Variants in MRPL35 observed in about 807,000 individuals in gnomAD.
The protein encoded by MRPL35 is large ribosomal subunit protein bL35m.
MRPL35 carries 18 observed loss-of-function variants against 21.6 expected under a neutral mutation model. That is an observed-to-expected ratio of 0.83 (90% CI 0.58 to 1.24). MRPL35 has a LOEUF of 1.24. Ranked by LOEUF, MRPL35 falls within the 50% of genes most tolerant of loss-of-function variation. The probability of loss-of-function intolerance (pLI) is 0.00; values close to 1 mark genes in which losing one functional copy is unlikely to be tolerated. For missense variants in MRPL35, 223 were observed against 223.2 expected, an observed-to-expected ratio of 1.00 and a Z score of 0.01; for synonymous variants, 87 against 86.9, an observed-to-expected ratio of 1.00 and a Z score of -0.01.
chr2:86,199,458 A>T lies in MRPL35; in HGVS notation c.-33A>T, dbSNP rs1476271089. 6.2e-7 allele frequency: 1 copy of T among 1,613,888 alleles called. No individual in the cohort carries two copies. Among genetic ancestry groups the T allele is most frequent in the Admixed American group, 1.7e-5 (1 of 60,018 alleles). ...ATTCTCTTTTGCTCTTGTGCTTTTA[A>T]ACCCAAAGCGGCCGCCGTAGGCGAA... On this transcript the variant is annotated 5_prime_UTR_variant, in exon 1 of 4. Transcript: ENST00000337109.
At chr2:86,209,144 T>C (rs1411065147) in intron 3 of MRPL35, among the ~76,000 whole-genome samples, 3 of 152,262 alleles carry the variant, frequency 2.0e-5, no homozygotes, top group African/African-American at 7.2e-5. Flanking sequence ...GAGATTTGGC[T>C]TTAAATGTTT....
Position 86,212,294 on chromosome 2 carries a change from A to C in MRPL35, c.*1626A>C, listed in dbSNP as rs1387649683. The C allele has an allele frequency of 3.3e-6, 5 of 1,513,596 alleles. No homozygotes were observed. In the East Asian group the frequency reaches 1.2e-4, roughly 36 times the overall value. The allele number at this position is 1,513,596 out of a possible 1,614,324, so 93.8% of individuals were successfully genotyped here. A position where few individuals can be genotyped will look rare whatever the true frequency, so the allele number is the denominator to read the frequency against. On this transcript the variant is annotated 3_prime_UTR_variant, in exon 4 of 4. Transcript: ENST00000337109. ...GATAACAATAGAATGTTCTAAAACC[A>C]GAAGTCCAAGTGCGTGTCTACTTAT...
chr2:86,211,204 A>G lies in MRPL35; in HGVS notation c.*536A>G. On this transcript the variant is annotated 3_prime_UTR_variant, in exon 4 of 4. Coordinates refer to ENST00000337109, the MANE Select transcript of MRPL35 (RefSeq NM_016622.4). ...TTAACTCCATTCTCTCTATTCACCA[A>G]CTTCTCTACACAGCTTTTGCATACT... 1.0e-6 allele frequency: 1 copy of G among 968,334 alleles called. No homozygotes were observed. 60.0% of individuals were successfully genotyped at this position (968,334 alleles called of 1,614,324 possible). A position where few individuals can be genotyped will look rare whatever the true frequency, so the allele number is the denominator to read the frequency against.
chr2:86,208,303 G>T (rs1157596728), intron 3 of MRPL35, among the ~76,000 whole-genome samples: 6 of 143,078 alleles, frequency 4.2e-5, no homozygotes, highest in Non-Finnish European at 7.7e-5. Context: ...GTGTGTATGT[G>T]TTTTTTTTTT....
At chr2:86,209,550 A>C (rs912970282) in intron 3 of MRPL35, among the ~76,000 whole-genome samples, 1 of 152,244 alleles carries the variant, frequency 6.6e-6, no homozygotes, top group Non-Finnish European at 1.5e-5. Flanking sequence ...GGTGTATATG[A>C]AAGTTCTGGG....
Position 86,213,689 on chromosome 2 carries a change from G to C in MRPL35, c.*3021G>C. The C allele has an allele frequency of 1.3e-6, 2 of 1,548,854 alleles. No individual in the cohort carries two copies. The highest frequency in any genetic ancestry group is 1.7e-6 in the Non-Finnish European group (2 of 1,145,492). On this transcript the variant is annotated 3_prime_UTR_variant, in exon 4 of 4. Coordinates refer to ENST00000337109, the MANE Select transcript of MRPL35 (RefSeq NM_016622.4). ...AAGAAAAATGATGGACCAAACGTCTGTTTGCACAATTGAAACTCTACCAGT... is the reference window on the plus strand; with the variant it reads ...AAGAAAAATGATGGACCAAACGTCTCTTTGCACAATTGAAACTCTACCAGT...
intron 1 of MRPL35, among the ~76,000 whole-genome samples, chr2:86,204,996 T>G (rs1463854441): frequency 6.6e-6 from 1 of 152,172 alleles, no homozygotes; most frequent in East Asian, 1.9e-4. Flanking sequence ...CCTAACACTT[T>G]GGGAGGCTGA....
At position 86,199,499 on chromosome 2, in the gene MRPL35, C is replaced by G. The variant is rs376000590; in HGVS notation, c.9C>G (p.Ala3=). Residue 3 remains alanine (A), a synonymous_variant, in exon 1 of 4, where the codon GCC becomes GCG. Transcript: ENST00000337109. ...CGTAGGCGAAGGTGAAGATGGCTGCCTCTGCCTTTGCTGGTGCAGTGAGAG... is the reference window on the plus strand; with the variant it reads ...CGTAGGCGAAGGTGAAGATGGCTGCGTCTGCCTTTGCTGGTGCAGTGAGAG... MA[A]SAFAGAVRAA... is the part of the protein sequence containing the mutation. 16 of 1,614,220 alleles carry G rather than the reference C, an allele frequency of 9.9e-6. No homozygotes were observed. The highest frequency in any genetic ancestry group is 9.9e-5 in the South Asian group (9 of 91,086).
rs1167732991 is a variant in MRPL35, at chr2:86,211,145, T to G, written c.*477T>G. On this transcript the variant is annotated 3_prime_UTR_variant, in exon 4 of 4. Coordinates refer to ENST00000337109, the MANE Select transcript of MRPL35 (RefSeq NM_016622.4). ...GGAAGGTGGATGTTTAGGCTTGGGC[T>G]CTGCATGCATGTGACTTGCTTCTTT... 1.0e-6 allele frequency: 1 copy of G among 986,222 alleles called. No homozygotes were observed. Among genetic ancestry groups the G allele is most frequent in the Non-Finnish European group, 1.2e-6 (1 of 830,564 alleles). The allele number at this position is 986,222 out of a possible 1,614,324, so 61.1% of individuals were successfully genotyped here. A position where few individuals can be genotyped will look rare whatever the true frequency, so the allele number is the denominator to read the frequency against.
In MRPL35 at chr2:86,207,193, G is replaced by A. The variant is rs1132002; in HGVS notation, c.244G>A (p.Val82Met). The A allele has an allele frequency of 7.7e-3, 12,385 of 1,610,280 alleles. 64 individuals are homozygous for A. Among genetic ancestry groups the A allele is most frequent in the Non-Finnish European group, 9.4e-3 (11,045 of 1,178,168 alleles). Residue 82 changes from valine (V) to methionine (M), a missense_variant, in exon 3 of 4, where the codon GTG becomes ATG. Physicochemically the swap from Val to Met is conservative, Grantham distance 21. Transcript: ENST00000337109. ...AAAATATATTTTTAGAATGGCCCCC[G>A]TGCTTCCAAGTGTCCTGAAGCTGCC... ...TSVILNRMAP[V>M]LPSVLKLPVR... is the part of the protein sequence containing the mutation.
At chr2:86,200,346 C>T (rs915077184) in intron 1 of MRPL35, among the ~76,000 whole-genome samples, 1 of 152,056 alleles carries the variant, frequency 6.6e-6, no homozygotes, top group Non-Finnish European at 1.5e-5. Flanking sequence ...ATATAGTATG[C>T]ATGAATGATT....
intron 2 of MRPL35, 60 bp downstream of exon 2, chr2:86,206,355 C>A: frequency 6.8e-7 from 1 of 1,467,732 alleles, no homozygotes; most frequent in Non-Finnish European, 9.3e-7. Flanking sequence ...TTTTTTGAGA[C>A]GGAGTCTCAC....
chr2:86,213,241 T>G lies in MRPL35; in HGVS notation c.*2573T>G, dbSNP rs1673946976. ...CACTTCTTCATAACACTGTACCAAT[T>G]CAGCTTTTAAATTTTATTACTTTGC... is the stretch of plus-strand genomic sequence containing the variant. On this transcript the variant is annotated 3_prime_UTR_variant, in exon 4 of 4. Transcript: ENST00000337109. 9.7e-7 allele frequency: 1 copy of G among 1,029,752 alleles called. No homozygotes were observed. Among genetic ancestry groups the G allele is most frequent in the Non-Finnish European group, 1.2e-6 (1 of 859,266 alleles). 63.8% of individuals were successfully genotyped at this position (1,029,752 alleles called of 1,614,324 possible).
chr2:86,200,912 C>T (rs1003797638), intron 1 of MRPL35, among the ~76,000 whole-genome samples: 6 of 152,100 alleles, frequency 3.9e-5, no homozygotes, highest in African/African-American at 1.2e-4. Flanking sequence ...GTGATCCGCC[C>T]GCCTCGACCT....
At chr2:86,206,363 C>CAAA in intron 2 of MRPL35, 68 bp downstream of exon 2, 2 of 1,441,900 alleles carry the variant, frequency 1.4e-6, no homozygotes, top group Non-Finnish European at 1.9e-6. Flanking sequence ...GACGGAGTCT[C>CAAA]ACTCTGTTGC....
chr2:86,207,439 G>C, intron 3 of MRPL35, 112 bp downstream of exon 3: 1 of 1,212,868 alleles, frequency 8.2e-7, no homozygotes, highest in African/African-American at 1.6e-5. Flanking sequence ...AGGAGTTCAA[G>C]ACCAGCTTGG....
chr2:86,203,844 A>G (rs1173110417), intron 1 of MRPL35, among the ~76,000 whole-genome samples: 2 of 152,218 alleles, frequency 1.3e-5, no homozygotes, highest in Non-Finnish European at 2.9e-5. Context: ...ATAGAGCTAG[A>G]ATATGAGCCC....
chr2:86,209,260 T>A (rs1390032596), intron 3 of MRPL35, among the ~76,000 whole-genome samples: 1 of 152,208 alleles, frequency 6.6e-6, no homozygotes, highest in Non-Finnish European at 1.5e-5. Context: ...CTTATAGAAG[T>A]TGATGGTCAC....
At position 86,206,125 on chromosome 2, in the gene MRPL35, T is replaced by C; in HGVS notation, c.63T>C (p.Asn21=). Residue 21 remains asparagine (N), a synonymous_variant, in exon 2 of 4, where the codon AAT becomes AAC. Transcript: ENST00000337109. ...RAASGILRPL[N]ILASSTYRNC... ...TTACAGGAATCCTACGGCCCCTGAA[T>C]ATTTTGGCATCTTCAACCTACCGCA... 6.2e-7 allele frequency: 1 copy of C among 1,612,146 alleles called. No individual in the cohort carries two copies. Among genetic ancestry groups the C allele is most frequent in the Non-Finnish European group, 8.5e-7 (1 of 1,178,328 alleles).
Sources: gnomAD v4.1 joint callset for allele counts (sites outside exome capture counted in the v4.1 genomes callset) on GRCh38, gnomAD v4.1.1 for gene constraint, MANE v1.5 for transcripts, NCBI Gene and HGNC (gene_info 2026-07-23, HGNC 2026-07-21) for gene names.